Variants in CSMD1 observed in about 807,000 individuals in gnomAD.
The protein encoded by CSMD1 is CUB and sushi domain-containing protein 1.
Under a neutral mutation model 417.5 loss-of-function variants are expected in CSMD1, and 213 were observed. The ratio of observed to expected loss-of-function variants is 0.51; its 90% confidence interval spans 0.46 to 0.57. The LOEUF (loss-of-function observed/expected upper bound fraction) is 0.57, where lower values mean the gene tolerates loss of function less well. Ranked by LOEUF, CSMD1 falls within the 20% of genes least tolerant of loss-of-function variation. The pLI is 0.00. For synonymous variants in CSMD1, 2,862 were observed against 1,736.8 expected (o/e 1.65, Z -16.11); for missense variants, 6,923 against 4,529.7 (o/e 1.53, Z -15.17).
intron 2 of CSMD1, among the ~76,000 whole-genome samples, chr8:4,554,922 T>C (rs565848286): frequency 1.2e-4 from 19 of 152,220 alleles, no homozygotes; most frequent in African/African-American, 3.1e-4. Flanking sequence ...TGCTGTCTTC[T>C]AGGCAACGAA....
intron 3 of CSMD1, among the ~76,000 whole-genome samples, chr8:4,162,947 T>A (rs141709948): frequency 4.6e-5 from 7 of 152,318 alleles, no homozygotes; most frequent in African/African-American, 1.7e-4. Context: ...GTCTCTACAG[T>A]TCTGCCTTTT....
Position 3,660,280 on chromosome 8 carries a change from C to G in CSMD1, c.1010-43483G>C, listed in dbSNP as rs1014162334. On this transcript the variant is annotated intron_variant, in intron 7 of 69. Transcript: ENST00000635120. ...TATACATTCTTTGCCTATGTTTTTC[C>G]ATGACCTTATCTGTGAAGCGGGATG... Among the ~76,000 whole-genome samples, 3 of 152,042 alleles carry G rather than the reference C, an allele frequency of 2.0e-5. No homozygotes were observed. The East Asian group carries it at 5.8e-4, about 29-fold the overall frequency.
intron 3 of CSMD1, among the ~76,000 whole-genome samples, chr8:4,187,018 T>C (rs1337954958): frequency 1.3e-5 from 2 of 152,224 alleles, no homozygotes; most frequent in East Asian, 1.9e-4. Context: ...ACAAGTGTTC[T>C]TCTTCCTTTA....
At chr8:4,612,569 G>C (rs945775189) in intron 2 of CSMD1, among the ~76,000 whole-genome samples, 17 of 152,122 alleles carry the variant, frequency 1.1e-4, no homozygotes, top group African/African-American at 4.1e-4. Context: ...AGGAACAGTG[G>C]AATGAATGTG....
At chr8:4,211,079 T>C (rs117435817) in intron 3 of CSMD1, among the ~76,000 whole-genome samples, 2,724 of 152,294 alleles carry the variant, frequency 0.018, 37 homozygotes, top group Non-Finnish European at 0.026. Context: ...TGTTCACATA[T>C]CATTGTACAT....
intron 3 of CSMD1, among the ~76,000 whole-genome samples, chr8:4,299,424 T>C (rs1797862948): frequency 6.6e-6 from 1 of 152,096 alleles, no homozygotes; most frequent in Admixed American, 6.6e-5. Context: ...ATTTTCAGGA[T>C]TCCTACAGTC....
intron 7 of CSMD1, among the ~76,000 whole-genome samples, chr8:3,690,691 G>T (rs1220178148): frequency 6.6e-6 from 1 of 152,124 alleles, no homozygotes; most frequent in African/African-American, 2.4e-5. Context: ...AGGCTGAGAA[G>T]TACATAAAGC....
intron 3 of CSMD1, among the ~76,000 whole-genome samples, chr8:4,303,144 A>G (rs1426214866): frequency 2.6e-5 from 4 of 152,194 alleles, no homozygotes; most frequent in East Asian, 1.9e-4. Flanking sequence ...TCTAGGAACT[A>G]AAACTTCCCT....
chr8:3,552,362 C>G (rs1798953990), intron 10 of CSMD1, among the ~76,000 whole-genome samples: 1 of 151,976 alleles, frequency 6.6e-6, no homozygotes, highest in Non-Finnish European at 1.5e-5. Flanking sequence ...TTAAAGAAAA[C>G]TAAATCTCCA....
rs886431773 is a variant in CSMD1, at chr8:4,782,362, C to G, written c.86-144804G>C. 3.9e-5 allele frequency among the ~76,000 whole-genome samples: 6 copies of G among 152,078 alleles called. No individual in the cohort carries two copies. In the South Asian group the frequency reaches 1.2e-3, roughly 31 times the overall value. On this transcript the variant is annotated intron_variant, in intron 1 of 69. Transcript: ENST00000635120. ...CTAAGCATTAAAACTACTGATTATACCCCATAAATATGTACAATTATTATG... is the reference window on the plus strand; with the variant it reads ...CTAAGCATTAAAACTACTGATTATAGCCCATAAATATGTACAATTATTATG...
intron 3 of CSMD1, among the ~76,000 whole-genome samples, chr8:4,072,520 T>G (rs1799613170): frequency 6.6e-6 from 1 of 152,202 alleles, no homozygotes; most frequent in South Asian, 2.1e-4. Context: ...CTGAAAGCTC[T>G]AAACAGGAAT....
chr8:3,776,491 C>T (rs1431584249), intron 5 of CSMD1, among the ~76,000 whole-genome samples: 3 of 152,174 alleles, frequency 2.0e-5, no homozygotes, highest in South Asian at 2.1e-4. Context: ...ACACACATTT[C>T]CTGCTCTCTC....
intron 1 of CSMD1, among the ~76,000 whole-genome samples, chr8:4,713,836 A>G (rs949287364): frequency 6.6e-6 from 1 of 152,074 alleles, no homozygotes; most frequent in African/African-American, 2.4e-5. Flanking sequence ...CTGTCCTTTT[A>G]ATTTTCCTAT....
intron 26 of CSMD1, among the ~76,000 whole-genome samples, chr8:3,258,990 G>C (rs1401410115): frequency 1.3e-5 from 2 of 152,130 alleles, no homozygotes; most frequent in African/African-American, 4.8e-5. Flanking sequence ...TAACTAATGG[G>C]TACTAGGCTT....
At chr8:3,913,007 A>G (rs945614356) in intron 5 of CSMD1, among the ~76,000 whole-genome samples, 4 of 152,166 alleles carry the variant, frequency 2.6e-5, no homozygotes, top group African/African-American at 9.7e-5. Context: ...CGCACTGGTG[A>G]CTATAATGAG....
At chr8:3,569,549 C>G (rs1354666778) in intron 10 of CSMD1, among the ~76,000 whole-genome samples, 2 of 152,212 alleles carry the variant, frequency 1.3e-5, no homozygotes, top group Admixed American at 1.3e-4. Flanking sequence ...AGGTCAAACA[C>G]ACAAATTGAA....
intron 68 of CSMD1, 140 bp downstream of exon 68, chr8:2,949,159 T>C (rs1330590043): frequency 1.8e-6 from 1 of 566,312 alleles, no homozygotes; most frequent in Non-Finnish European, 3.1e-6. Flanking sequence ...TTTTTTTTCA[T>C]TCAGCTGTAA....
chr8:3,088,843 T>TAA (rs5888943), intron 48 of CSMD1, among the ~76,000 whole-genome samples: 29,465 of 113,684 alleles, frequency 0.26, 4,033 homozygotes, highest in Non-Finnish European at 0.3. Flanking sequence ...ACTGTGCTAG[T>TAA]AAAAAAAAAA....
chr8:3,106,905 C>G (rs1816184078), intron 45 of CSMD1: 1 of 322,944 alleles, frequency 3.1e-6, no homozygotes, highest in East Asian at 5.3e-5. Flanking sequence ...GTGTTGGTTT[C>G]CCTTCCCCAG....
Sources: gnomAD v4.1 joint callset for allele counts (sites outside exome capture counted in the v4.1 genomes callset) on GRCh38, gnomAD v4.1.1 for gene constraint, MANE v1.5 for transcripts, NCBI Gene and HGNC (gene_info 2026-07-23, HGNC 2026-07-21) for gene names.